Variants in SAMD4A observed in about 807,000 individuals in gnomAD.
SAMD4A encodes the protein sterile alpha motif domain containing 4A.
Under a neutral mutation model 81.3 loss-of-function variants are expected in SAMD4A, and 33 were observed. The ratio of observed to expected loss-of-function variants is 0.41; its 90% CI spans 0.31 to 0.54. The LOEUF (loss-of-function observed/expected upper bound fraction) is 0.54. Among genes scored for constraint, SAMD4A ranks in the 20% least tolerant of loss-of-function variants. The pLI is 0.37. For missense variants in SAMD4A, 854 were observed against 951.1 expected (o/e 0.90, Z 1.34); for synonymous variants, 389 against 382.1 (o/e 1.02, Z -0.21).
intron 2 of SAMD4A, chr14:54,688,294 T>G: frequency 1.0e-6 from 1 of 985,330 alleles, no homozygotes; most frequent in Non-Finnish European, 1.2e-6. Context: ...GGAGCAACCG[T>G]TTAGAGGTAA....
chr14:54,670,062 T>C (rs1304763267), intron 2 of SAMD4A, among the ~76,000 whole-genome samples: 1 of 152,208 alleles, frequency 6.6e-6, no homozygotes, highest in African/African-American at 2.4e-5. Flanking sequence ...GTGGCCCAAC[T>C]AAGACAACTT....
At chr14:54,591,351 A>G (rs931002924) in intron 2 of SAMD4A, among the ~76,000 whole-genome samples, 1 of 152,190 alleles carries the variant, frequency 6.6e-6, no homozygotes, top group Non-Finnish European at 1.5e-5. Context: ...GGTGGTGCCA[A>G]GGGTGCTAGA....
At chr14:54,766,517 G>A (rs2038547997) in intron 8 of SAMD4A, among the ~76,000 whole-genome samples, 1 of 152,178 alleles carries the variant, frequency 6.6e-6, no homozygotes, top group African/African-American at 2.4e-5. Context: ...GCATTTCCGT[G>A]GAGGAACCCT....
rs145147947 is a variant in SAMD4A at position 54,719,069 on chromosome 14, C to A, written c.715+16489C>A. ...GAAGGGTTCAAAGGAACGCCTTTCCCCATTCCCCTTCCTTCTTGTAGAACA... is the reference window on the plus strand; with the variant it reads ...GAAGGGTTCAAAGGAACGCCTTTCCACATTCCCCTTCCTTCTTGTAGAACA... On this transcript the variant is annotated intron_variant, in intron 3 of 12. Transcript: ENST00000554335. Among the ~76,000 whole-genome samples the A allele has an allele frequency of 7.1e-3, 1,086 of 152,162 alleles. 17 individuals carry two copies. The highest frequency in any genetic ancestry group is 0.025 in the African/African-American group (1,020 of 41,532).
At chr14:54,738,275 C>T (rs1330918541) in intron 4 of SAMD4A, among the ~76,000 whole-genome samples, 1 of 152,202 alleles carries the variant, frequency 6.6e-6, no homozygotes, top group Non-Finnish European at 1.5e-5. Flanking sequence ...TGATTCCCCT[C>T]CCTTCACGGA....
chr14:54,585,038 C>T (rs2033577147), intron 2 of SAMD4A, among the ~76,000 whole-genome samples: 1 of 152,174 alleles, frequency 6.6e-6, no homozygotes, highest in Non-Finnish European at 1.5e-5. Context: ...CTACCATACA[C>T]AAATTTTTCT....
intron 2 of SAMD4A, among the ~76,000 whole-genome samples, chr14:54,621,947 A>G (rs1168905481): frequency 6.6e-6 from 1 of 152,126 alleles, no homozygotes; most frequent in African/African-American, 2.4e-5. Flanking sequence ...TGTGTATTGT[A>G]TTTTGTGTTA....
intron 2 of SAMD4A, among the ~76,000 whole-genome samples, chr14:54,585,752 T>G (rs2033598061): frequency 6.6e-6 from 1 of 152,220 alleles, no homozygotes; most frequent in African/African-American, 2.4e-5. Flanking sequence ...CCATCCAGGT[T>G]GCTACAAATG....
At chr14:54,617,912 A>G (rs1003134515) in intron 2 of SAMD4A, among the ~76,000 whole-genome samples, 1 of 152,156 alleles carries the variant, frequency 6.6e-6, no homozygotes, top group African/African-American at 2.4e-5. Context: ...AAAAAACTCA[A>G]AGCCTTCCTG....
chr14:54,702,583 A>T lies in SAMD4A; in HGVS notation c.715+3A>T. On this transcript the variant is annotated splice_donor_region_variant and intron_variant, in intron 3 of 12. Coordinates refer to ENST00000554335, the MANE Select transcript of SAMD4A (RefSeq NM_015589.6). The stretch of plus-strand genomic sequence containing the variant: ...GATTGGAACCAGCACAAGTACAAGT[A>T]AGTTCCCCGGAATCCCTTTAACGTA... 1 of 1,613,434 alleles carries T rather than the reference A, an allele frequency of 6.2e-7. No individual in the cohort carries two copies. Among genetic ancestry groups the T allele is most frequent in the Non-Finnish European group, 8.5e-7 (1 of 1,179,554 alleles).
chr14:54,577,950 T>C (rs890537386), intron 2 of SAMD4A, among the ~76,000 whole-genome samples: 2 of 152,214 alleles, frequency 1.3e-5, no homozygotes, highest in African/African-American at 4.8e-5. Context: ...AAAAACTTTA[T>C]GATGATTAGG....
intron 2 of SAMD4A, among the ~76,000 whole-genome samples, chr14:54,606,183 C>CTGTGTGTGTGTGTGTGTGTGTG (rs57209362): frequency 2.0e-5 from 3 of 146,570 alleles, no homozygotes; most frequent in African/African-American, 7.7e-5. Context: ...TACTTCTGGG[C>CTGTGTGTGTGTGTGTGTGTGTG]TGTGTGTGTG....
intron 4 of SAMD4A, among the ~76,000 whole-genome samples, chr14:54,746,416 G>C (rs1040189727): frequency 7.2e-5 from 11 of 152,212 alleles, no homozygotes; most frequent in Admixed American, 5.9e-4. Flanking sequence ...AACTCATCAT[G>C]TTTTGAAGTT....
At chr14:54,570,154 G>T in intron 2 of SAMD4A, among the ~76,000 whole-genome samples, 1 of 152,176 alleles carries the variant, frequency 6.6e-6, no homozygotes, top group East Asian at 1.9e-4. Flanking sequence ...CGTTTTGCCT[G>T]CATGGAAATC....
At chr14:54,629,663 A>T (rs1051368646) in intron 2 of SAMD4A, among the ~76,000 whole-genome samples, 5 of 151,606 alleles carry the variant, frequency 3.3e-5, no homozygotes, top group African/African-American at 7.3e-5. Flanking sequence ...TGGCTTAAAA[A>T]TTTTTTTTTC....
At position 54,697,583 on chromosome 14, in the gene SAMD4A, T is replaced by G. The variant is rs1476281185; in HGVS notation, c.197-4479T>G. Among the ~76,000 whole-genome samples, 2 of 152,150 alleles carry G rather than the reference T, an allele frequency of 1.3e-5. 1 individual carries two copies. The highest frequency in any genetic ancestry group is 3.8e-4 in the East Asian group (2 of 5,198). ...GGAAATGTTTAGTGGCAACGGGAACTTCATGGGTCCATGCCAGAATGGGAA... is the reference window on the plus strand; with the variant it reads ...GGAAATGTTTAGTGGCAACGGGAACGTCATGGGTCCATGCCAGAATGGGAA... On this transcript the variant is annotated intron_variant, in intron 2 of 12. Transcript: ENST00000554335.
chr14:54,674,017 G>A (rs573491176), intron 2 of SAMD4A, among the ~76,000 whole-genome samples: 3 of 152,266 alleles, frequency 2.0e-5, no homozygotes, highest in African/African-American at 4.8e-5. Flanking sequence ...GAATTAAGTC[G>A]GGGGAGTGAT....
chr14:54,663,143 T>A (rs1478536623), intron 2 of SAMD4A, among the ~76,000 whole-genome samples: 1 of 152,204 alleles, frequency 6.6e-6, no homozygotes, highest in Non-Finnish European at 1.5e-5. Context: ...TCATGGAAGT[T>A]GACAGGATGT....
At chr14:54,665,587 A>G (rs1202160063) in intron 2 of SAMD4A, among the ~76,000 whole-genome samples, 2 of 152,266 alleles carry the variant, frequency 1.3e-5, no homozygotes, top group Non-Finnish European at 2.9e-5. Flanking sequence ...AGAAGGATAG[A>G]TTTGTCTTTT....
Sources: gnomAD v4.1 joint callset for allele counts (sites outside exome capture counted in the v4.1 genomes callset) on GRCh38, gnomAD v4.1.1 for gene constraint, MANE v1.5 for transcripts, NCBI Gene and HGNC (gene_info 2026-07-23, HGNC 2026-07-21) for gene names.